The following ZMYM6 variants were observed in gnomAD, a reference collection of about 807,000 sequenced individuals.
ZMYM6 encodes zinc finger MYM-type containing 6.
ZMYM6 carries 90 observed loss-of-function variants against 134.0 expected under a neutral mutation model. The observed-to-expected ratio is 0.67, with a 90% CI of 0.57 to 0.80. The LOEUF is 0.80. Among genes scored for constraint, ZMYM6 ranks in the 30% least tolerant of loss-of-function variants. The pLI, the probability that ZMYM6 is intolerant of heterozygous loss-of-function variation, is 0.00. For missense variants in ZMYM6, 1,362 were observed against 1,533.9 expected (o/e 0.89, Z 1.87); for synonymous variants, 481 against 524.1 (o/e 0.92, Z 1.12).
chr1:35,027,676 C>G (rs969640488), intron 2 of ZMYM6, among the ~76,000 whole-genome samples: 1 of 151,848 alleles, frequency 6.6e-6, no homozygotes, highest in Non-Finnish European at 1.5e-5. Context: ...TGGCCATACT[C>G]ACACCACTGC....
At position 35,013,281 on chromosome 1, in the gene ZMYM6, A is replaced by T. The variant is rs895325552; in HGVS notation, c.796-700T>A. On this transcript the variant is annotated intron_variant, in intron 6 of 15. Coordinates refer to ENST00000357182, the MANE Select transcript of ZMYM6 (RefSeq NM_007167.4). ...GTTTAAATTAACAGATGAGCAGAAG[A>T]AGTAGGAAATTAAACTCATTTCATC... 10 of 831,104 alleles carry T rather than the reference A, an allele frequency of 1.2e-5. No homozygotes were observed. In the Admixed American group the frequency reaches 1.9e-4, roughly 16 times the overall value. The allele number at this position is 831,104 out of a possible 1,614,324, so 51.5% of individuals were successfully genotyped here. A position where few individuals can be genotyped will look rare whatever the true frequency, so the allele number is the denominator to read the frequency against.
chr1:35,008,975 G>A (rs778405513), intron 10 of ZMYM6, 51 bp from the exon 11 acceptor site: 1 of 1,566,624 alleles, frequency 6.4e-7, no homozygotes, highest in African/African-American at 1.4e-5. Context: ...CATTAACTGA[G>A]GAGGTATAAT....
At chr1:35,020,697 C>T (rs544953700) in intron 2 of ZMYM6, among the ~76,000 whole-genome samples, 12 of 151,630 alleles carry the variant, frequency 7.9e-5, no homozygotes, top group South Asian at 6.3e-4. Flanking sequence ...CTCAGCCACC[C>T]GAGTAGCTGG....
intron 14 of ZMYM6, 145 bp from the exon 15 acceptor site, chr1:34,992,532 G>A: frequency 1.4e-6 from 1 of 730,564 alleles, no homozygotes; most frequent in Non-Finnish European, 2.0e-6. Flanking sequence ...AAGTCACCTT[G>A]GAAAATACAC....
At chr1:35,008,706 T>G in intron 11 of ZMYM6, 46 bp downstream of exon 11, 1 of 1,572,248 alleles carries the variant, frequency 6.4e-7, no homozygotes, top group Non-Finnish European at 8.6e-7. Context: ...TAAAAACAAT[T>G]TGCACTGATT....
rs559592498 is a variant in ZMYM6 at position 35,010,361 on chromosome 1, T to G, written c.1492+86A>C. On this transcript the variant is annotated intron_variant, in intron 10 of 15. Coordinates refer to ENST00000357182, the MANE Select transcript of ZMYM6 (RefSeq NM_007167.4). The stretch of plus-strand genomic sequence containing the variant: ...ATTACACCTTGTAAGACAAAAAGAA[T>G]GTGAAAACTAATCATGGCTTAATTG... 9 of 1,488,844 alleles carry G rather than the reference T, an allele frequency of 6.0e-6. No individual in the cohort carries two copies. In the African/African-American group the frequency reaches 1.3e-4, roughly 21 times the overall value. The allele number at this position is 1,488,844 out of a possible 1,614,324, so 92.2% of individuals were successfully genotyped here.
Position 34,986,924 on chromosome 1 carries a change from T to C in ZMYM6, c.*180A>G. 7 of 394,134 alleles carry C rather than the reference T, an allele frequency of 1.8e-5. No homozygotes were observed. Among genetic ancestry groups the C allele is most frequent in the Non-Finnish European group, 2.6e-5 (6 of 234,324 alleles). The allele number at this position is 394,134 out of a possible 1,614,324, so 24.4% of individuals were successfully genotyped here. On this transcript the variant is annotated 3_prime_UTR_variant, in exon 16 of 16. Coordinates refer to ENST00000357182, the MANE Select transcript of ZMYM6 (RefSeq NM_007167.4). ...TAACTAAATTTTCTACCCTAGATTA[T>C]AATTATACATAATTATTTATAACAA...
Position 34,988,335 on chromosome 1 carries a change from G to T in ZMYM6, c.2747C>A (p.Ser916Ter), listed in dbSNP as rs1404506763. The T allele has an allele frequency of 3.2e-6, 5 of 1,551,358 alleles. No homozygotes were observed. The highest frequency in any genetic ancestry group is 4.4e-6 in the Non-Finnish European group (5 of 1,146,892). ...AAGAAGTGTGATATTTGAGATTTCT[G>T]ATGACTCATCTATCTGAAGGGCAAA... Reference protein sequence around the residue: ...KWFALQIDESSEISNITLLLC... With the variant: ...KWFALQIDES Residue 916 changes from serine to a stop codon, truncating the protein, a stop_gained, in exon 16 of 16, where the codon TCA becomes TAA. Transcript: ENST00000357182. LOFTEE classifies it high-confidence loss of function.
intron 15 of ZMYM6, chr1:34,989,586 G>A (rs546682197): frequency 6.6e-6 from 1 of 151,912 alleles, no homozygotes; most frequent in South Asian, 2.1e-4. Context: ...TGACACTGGT[G>A]TCAAAAAATT....
intron 11 of ZMYM6, among the ~76,000 whole-genome samples, 179 bp from the exon 12 acceptor site, chr1:35,007,277 T>G (rs561469129): frequency 6.6e-6 from 1 of 152,336 alleles, no homozygotes; most frequent in Non-Finnish European, 1.5e-5. Flanking sequence ...ATAGATGCCC[T>G]AAATCAAGAT....
intron 10 of ZMYM6, among the ~76,000 whole-genome samples, 170 bp from the exon 11 acceptor site, chr1:35,009,094 CTTTTA>C (rs920180009): frequency 7.9e-5 from 12 of 152,052 alleles, no homozygotes; most frequent in Non-Finnish European, 8.8e-5. Context: ...CTCATACCAC[CTTTTA>C]TTTTATTTTA....
At chr1:34,998,400 T>C (rs1365042684) in intron 14 of ZMYM6, among the ~76,000 whole-genome samples, 2 of 152,210 alleles carry the variant, frequency 1.3e-5, no homozygotes, top group Non-Finnish European at 2.9e-5. Context: ...AATTTCAATA[T>C]GTGGAAACTT....
Position 35,008,812 on chromosome 1 carries a change from G to A in ZMYM6, c.1605C>T (p.Gly535=). 6.2e-7 allele frequency: 1 copy of A among 1,614,088 alleles called. No individual in the cohort carries two copies. The highest frequency in any genetic ancestry group is 8.5e-7 in the Non-Finnish European group (1 of 1,179,996). ...CTTCACAACAAAACTCTTCTAACTT[G>A]CCCTCCAATCGATTTTCTACCAAAT... is the stretch of plus-strand genomic sequence containing the variant. ...SPNLVENRLE[G]KLEEFCCEDC... Residue 535 remains glycine (G), a synonymous_variant, in exon 11 of 16, where the codon GGC becomes GGT. Coordinates refer to ENST00000357182, the MANE Select transcript of ZMYM6 (RefSeq NM_007167.4).
At position 35,012,637 on chromosome 1, in the gene ZMYM6, G is replaced by A. The variant is rs74064106; in HGVS notation, c.796-56C>T. ...GTACAAACATACATATTTACATATT[G>A]TTCAAAAAAGTAAAAAGAAAAGCTA... is the stretch of plus-strand genomic sequence containing the variant. On this transcript the variant is annotated intron_variant, in intron 6 of 15. Transcript: ENST00000357182. 11,484 of 1,571,524 alleles carry A rather than the reference G, an allele frequency of 7.3e-3. 637 individuals carry two copies. The African/African-American group carries it at 0.13, about 18-fold the overall frequency.
chr1:35,014,612 GCTCA>G (rs1490438110), intron 6 of ZMYM6, 81 bp downstream of exon 6: 2 of 1,296,228 alleles, frequency 1.5e-6, no homozygotes, highest in African/African-American at 3.0e-5. Context: ...AATGGGAGGA[GCTCA>G]CTCTCATTTT....
intron 6 of ZMYM6, chr1:35,012,804 A>C: frequency 1.0e-6 from 1 of 985,408 alleles, no homozygotes; most frequent in Non-Finnish European, 1.2e-6. Flanking sequence ...AGATCTTAGC[A>C]AACAAAACAC....
At chr1:34,993,571 T>G (rs776385993) in intron 14 of ZMYM6, among the ~76,000 whole-genome samples, 5 of 152,230 alleles carry the variant, frequency 3.3e-5, no homozygotes, top group Non-Finnish European at 7.3e-5. Flanking sequence ...ACTTGCTACC[T>G]TAATTCACCT....
intron 14 of ZMYM6, among the ~76,000 whole-genome samples, chr1:34,997,644 G>T (rs1640806959): frequency 6.6e-6 from 1 of 152,028 alleles, no homozygotes; most frequent in African/African-American, 2.4e-5. Context: ...CTAGATTTTT[G>T]TAACATGAGT....
In ZMYM6 at chr1:34,987,398, G is replaced by A. The variant is rs61744849; in HGVS notation, c.3684C>T (p.Thr1228=). The change falls in exon 16 of 16, where the codon ACC becomes ACT. Residue 1228 remains threonine, a synonymous_variant. Coordinates refer to ENST00000357182, the MANE Select transcript of ZMYM6 (RefSeq NM_007167.4). ...CTGTTAGCTTTTCTTCTTCGAAGTC[G>A]GTGAGATTATTATTTTGGTGATTCA... The part of the protein sequence containing the change: ...PFMNHQNNNL[T]DFEEEKLTEL... 62 of 1,613,800 alleles carry A rather than the reference G, an allele frequency of 3.8e-5. No homozygotes were observed. The highest frequency in any genetic ancestry group is 3.7e-4 in the African/African-American group (28 of 74,874).
Sources: gnomAD v4.1 joint callset for allele counts (sites outside exome capture counted in the v4.1 genomes callset) on GRCh38, gnomAD v4.1.1 for gene constraint, MANE v1.5 for transcripts, NCBI Gene and HGNC (gene_info 2026-07-23, HGNC 2026-07-21) for gene names.